ZNF536: variants seen among roughly 807,000 people sequenced by gnomAD.
ZNF536 encodes zinc finger protein 536.
A neutral mutation model predicts 84.5 loss-of-function variants in ZNF536; 13 were observed. The ratio of observed to expected loss-of-function variants is 0.15; its 90% CI spans 0.10 to 0.24. ZNF536 has a LOEUF of 0.24. ZNF536 is among the 10% of genes least tolerant of loss of function. The probability of loss-of-function intolerance (pLI) is 1.00; values close to 1 mark genes in which losing one functional copy is unlikely to be tolerated. For missense variants in ZNF536, 1,536 were observed against 1,747.5 expected (o/e 0.88, Z 2.16); for synonymous variants, 811 against 742.5 (o/e 1.09, Z -1.50).
intron 2 of ZNF536, among the ~76,000 whole-genome samples, chr19:30,534,251 T>C (rs1473478429): frequency 6.6e-6 from 1 of 152,244 alleles, no homozygotes; most frequent in Non-Finnish European, 1.5e-5. Context: ...GGGCTAATTG[T>C]GGAATCACAT....
chr19:30,403,223 A>G (rs1020356435), intron 1 of ZNF536, among the ~76,000 whole-genome samples: 15 of 152,214 alleles, frequency 9.9e-5, no homozygotes, highest in Admixed American at 6.5e-5. Flanking sequence ...GAGTGACTGT[A>G]GACAAACCGC....
rs2148231830 is a variant in ZNF536, at chr19:30,445,617, C to T, written c.2055C>T (p.Arg685=). The change falls in exon 2 of 5, where the codon CGC becomes CGT. Residue 685 remains arginine (R), a synonymous_variant. Transcript: ENST00000355537. This position sits in a 1 kb window ranked among gnomAD's most constrained non-coding sequence, Gnocchi z 4.5. ...ACCAGGAGTCCCAGTCGGTGAGCCG[C>T]TCCACCACGCCGGGCTCCTCTAACG... The part of the protein sequence containing the change: ...GSDQESQSVS[R]STTPGSSNVT... The T allele has an allele frequency of 6.2e-7, 1 of 1,612,822 alleles. No individual in the cohort carries two copies. The highest frequency in any genetic ancestry group is 8.5e-7 in the Non-Finnish European group (1 of 1,179,664).
At chr19:30,503,921 C>CT (rs200736973) in intron 2 of ZNF536, among the ~76,000 whole-genome samples, 19,450 of 147,794 alleles carry the variant, frequency 0.13, 1,380 homozygotes, top group Non-Finnish European at 0.15. Context: ...TCTTCTCTCT[C>CT]TTTTTTTTTA....
At chr19:30,316,265 C>T (rs1193473592) in intron 2 of ZNF536, among the ~76,000 whole-genome samples, 1 of 152,140 alleles carries the variant, frequency 6.6e-6, no homozygotes, top group Non-Finnish European at 1.5e-5. Context: ...TAGTACTTAC[C>T]TGCCAAAACC....
intron 2 of ZNF536, among the ~76,000 whole-genome samples, chr19:30,448,389 G>A (rs1353180038): frequency 6.6e-6 from 1 of 152,072 alleles, no homozygotes; most frequent in Admixed American, 6.6e-5. Context: ...ATAAAAATCT[G>A]GATACAATGG....
chr19:30,363,244 A>G (rs1202162145), intron 3 of ZNF536, among the ~76,000 whole-genome samples: 1 of 152,194 alleles, frequency 6.6e-6, no homozygotes, highest in Non-Finnish European at 1.5e-5. Flanking sequence ...GCTGCAATCC[A>G]GATCTTCTGT....
intron 2 of ZNF536, among the ~76,000 whole-genome samples, chr19:30,522,265 A>ATATATACATG (rs1568512240): frequency 4.5e-5 from 5 of 110,060 alleles, no homozygotes; most frequent in Non-Finnish European, 1.1e-4. Flanking sequence ...ATATATACAT[A>ATATATACATG]TATATATACA....
At chr19:30,688,591 G>T (rs1282825137) in intron 1 of ZNF536, among the ~76,000 whole-genome samples, 3 of 152,122 alleles carry the variant, frequency 2.0e-5, no homozygotes, top group Non-Finnish European at 4.4e-5. Flanking sequence ...ATCTGTTATG[G>T]ATCCATAATA....
chr19:30,625,263 A>G (rs990292695), intron 1 of ZNF536, among the ~76,000 whole-genome samples: 5 of 152,060 alleles, frequency 3.3e-5, no homozygotes, highest in East Asian at 1.9e-4. Flanking sequence ...TCACCCCCCA[A>G]TCAGGGAGTC....
chr19:30,249,828 A>G (rs1021947631), intron 1 of ZNF536, among the ~76,000 whole-genome samples: 5 of 152,192 alleles, frequency 3.3e-5, no homozygotes, highest in African/African-American at 1.2e-4. Flanking sequence ...TCATGAAGTC[A>G]CCAGGCTCTA....
intron 1 of ZNF536, among the ~76,000 whole-genome samples, chr19:30,567,632 G>A (rs1412313088): frequency 6.6e-6 from 1 of 152,218 alleles, no homozygotes; most frequent in African/African-American, 2.4e-5. Flanking sequence ...AGGGAGCATA[G>A]AGAGTGGGTG....
intron 2 of ZNF536, among the ~76,000 whole-genome samples, chr19:30,522,913 G>T (rs963213592): frequency 6.6e-6 from 1 of 152,194 alleles, no homozygotes; most frequent in South Asian, 2.1e-4. Context: ...CTGGAAGGGA[G>T]TTTGGTGCAG....
chr19:30,416,914 C>T (rs1271025487), intron 1 of ZNF536, among the ~76,000 whole-genome samples: 4 of 152,056 alleles, frequency 2.6e-5, no homozygotes, highest in Non-Finnish European at 4.4e-5. Flanking sequence ...GTTCTTTCCC[C>T]ACAGTGTATT....
intron 2 of ZNF536, among the ~76,000 whole-genome samples, chr19:30,290,921 T>A (rs2045817038): frequency 6.6e-6 from 1 of 152,186 alleles, no homozygotes; most frequent in South Asian, 2.1e-4. Flanking sequence ...CTCCCACTTA[T>A]GAGTGAGAAC....
At chr19:30,634,678 A>G (rs2049002907) in intron 1 of ZNF536, among the ~76,000 whole-genome samples, 1 of 152,062 alleles carries the variant, frequency 6.6e-6, no homozygotes, top group African/African-American at 2.4e-5. Flanking sequence ...ATGCCGGTGA[A>G]TGTTGCATCC....
chr19:30,399,474 A>C (rs1478686067), intron 1 of ZNF536, among the ~76,000 whole-genome samples: 2 of 152,046 alleles, frequency 1.3e-5, no homozygotes, highest in East Asian at 3.9e-4. Context: ...GGTATTTTAG[A>C]CATGAAGTCT....
At chr19:30,563,290 A>T (rs1202334431) in intron 1 of ZNF536, among the ~76,000 whole-genome samples, 1 of 152,296 alleles carries the variant, frequency 6.6e-6, no homozygotes, top group Non-Finnish European at 1.5e-5. Context: ...GGGTGAACAC[A>T]TCTGGAGGTC....
intron 1 of ZNF536, among the ~76,000 whole-genome samples, chr19:30,441,233 G>T (rs2052032895): frequency 6.6e-6 from 1 of 152,210 alleles, no homozygotes; most frequent in Non-Finnish European, 1.5e-5. Context: ...TTGGAAGTGG[G>T]CCAGCCCTGT....
intron 1 of ZNF536, among the ~76,000 whole-genome samples, chr19:30,426,298 G>A (rs763321206): frequency 1.3e-5 from 2 of 152,206 alleles, no homozygotes; most frequent in Non-Finnish European, 2.9e-5. Flanking sequence ...TTTATGAGGT[G>A]CCTTGATTTA....
Sources: allele counts gnomAD v4.1 joint callset (sites outside exome capture counted in the v4.1 genomes callset), GRCh38; gene constraint gnomAD v4.1.1; non-coding constraint Gnocchi (gnomAD v3.1); transcripts MANE v1.5; gene names NCBI Gene and HGNC (gene_info 2026-07-23, HGNC 2026-07-21).